Variants in MICU3 observed in about 807,000 individuals in gnomAD.
MICU3 encodes the protein calcium uptake protein 3, mitochondrial.
In MICU3, 62 loss-of-function variants were observed where a neutral mutation model predicts 66.5. The ratio of observed to expected loss-of-function variants is 0.93; its 90% CI spans 0.76 to 1.15. The LOEUF is 1.15. Among genes scored for constraint, MICU3 ranks in the 50% most tolerant of loss-of-function variants. The pLI, the probability that MICU3 is intolerant of heterozygous loss-of-function variation, is 0.00. For synonymous variants in MICU3, 308 were observed against 240.7 expected (o/e 1.28, Z -2.59); for missense variants, 779 against 664.4 (o/e 1.17, Z -1.90).
At chr8:17,057,570 A>T (rs1817143615) in intron 1 of MICU3, among the ~76,000 whole-genome samples, 2 of 152,214 alleles carry the variant, frequency 1.3e-5, no homozygotes, top group Admixed American at 1.3e-4. Context: ...AATATAAGTT[A>T]TAATCTGTAG....
In MICU3 at chr8:17,121,354, AAT is replaced by A. The variant is rs1803184155; in HGVS notation, c.*1070_*1071del. ...TAAATATAATTTATTATTTCAAAAG[AAT>A]ATGTCTTAAAAGGGAAAATAAAAAC... On this transcript the variant is annotated 3_prime_UTR_variant, in exon 15 of 15. Coordinates refer to ENST00000318063, the MANE Select transcript of MICU3 (RefSeq NM_181723.3). 1 of 151,856 alleles carries A rather than the reference AAT, an allele frequency of 6.6e-6. No individual in the cohort carries two copies. Among genetic ancestry groups the A allele is most frequent in the Non-Finnish European group, 1.5e-5 (1 of 67,782 alleles). 9.4% of individuals were successfully genotyped at this position (151,856 alleles called of 1,614,324 possible). A position where few individuals can be genotyped will look rare whatever the true frequency, so the allele number is the denominator to read the frequency against.
intron 11 of MICU3, 73 bp from the exon 12 acceptor site, chr8:17,114,020 C>G (rs998027168): frequency 2.5e-5 from 23 of 911,884 alleles, no homozygotes; most frequent in Non-Finnish European, 3.7e-5. Flanking sequence ...CTGTTTTTTT[C>G]TCTTATGTGT....
intron 1 of MICU3, among the ~76,000 whole-genome samples, chr8:17,060,592 A>G (rs1291086948): frequency 1.3e-5 from 2 of 152,158 alleles, no homozygotes; most frequent in Admixed American, 6.5e-5. Context: ...GATTACGGGC[A>G]TGAGCCACTA....
At chr8:17,117,897 C>T (rs1563402560) in intron 13 of MICU3, among the ~76,000 whole-genome samples, 1 of 152,184 alleles carries the variant, frequency 6.6e-6, no homozygotes, top group Non-Finnish European at 1.5e-5. Context: ...GCATGAGCCA[C>T]CGTACCCGGC....
At chr8:17,036,391 G>A (rs1812995347) in intron 1 of MICU3, among the ~76,000 whole-genome samples, 1 of 151,690 alleles carries the variant, frequency 6.6e-6, no homozygotes, top group African/African-American at 2.4e-5. Context: ...GTGTGGAAGG[G>A]GACCCGAGCG....
chr8:17,058,532 GT>G (rs528266685), intron 1 of MICU3, among the ~76,000 whole-genome samples: 12 of 149,368 alleles, frequency 8.0e-5, no homozygotes, highest in South Asian at 2.1e-4. Context: ...TATTATTGAT[GT>G]TTTTTTTTTC....
intron 11 of MICU3, among the ~76,000 whole-genome samples, chr8:17,112,564 T>C (rs1802302536): frequency 6.6e-6 from 1 of 152,246 alleles, no homozygotes; most frequent in African/African-American, 2.4e-5. Flanking sequence ...AAGTGTTTAA[T>C]CTACACAAAA....
intron 3 of MICU3, among the ~76,000 whole-genome samples, chr8:17,074,080 A>G (rs1420216691): frequency 4.8e-5 from 7 of 146,342 alleles, no homozygotes; most frequent in Admixed American, 4.1e-4. Flanking sequence ...TTTTATTTTT[A>G]GTAGAGAGGG....
intron 1 of MICU3, among the ~76,000 whole-genome samples, chr8:17,049,822 A>G (rs1815756740): frequency 6.6e-6 from 1 of 152,174 alleles, no homozygotes; most frequent in Non-Finnish European, 1.5e-5. Flanking sequence ...CTTGCCTTTT[A>G]AAAAATAATA....
chr8:17,066,540 TAG>T (rs1336369026), intron 2 of MICU3, among the ~76,000 whole-genome samples: 9 of 111,096 alleles, frequency 8.1e-5, no homozygotes, highest in South Asian at 2.8e-4. Flanking sequence ...TATATATATA[TAG>T]ATTTTTTTTT....
chr8:17,063,725 A>G (rs1379439705), intron 1 of MICU3, among the ~76,000 whole-genome samples: 2 of 152,164 alleles, frequency 1.3e-5, no homozygotes, highest in Non-Finnish European at 2.9e-5. Flanking sequence ...ATAAGAGTAC[A>G]TAGTAGGCAT....
intron 1 of MICU3, among the ~76,000 whole-genome samples, chr8:17,059,932 A>G (rs1817557602): frequency 6.6e-6 from 1 of 152,212 alleles, no homozygotes; most frequent in Non-Finnish European, 1.5e-5. Context: ...GTCATCTCAA[A>G]CAAAATACTA....
the MICU3 span, among the ~76,000 whole-genome samples, chr8:17,135,722 T>C: frequency 6.6e-6 from 1 of 152,132 alleles, no homozygotes. Context: ...ATCTCTGTAA[T>C]TGTTCAAATT....
At chr8:17,076,722 C>T (rs563155838) in intron 3 of MICU3, among the ~76,000 whole-genome samples, 1 of 152,178 alleles carries the variant, frequency 6.6e-6, no homozygotes, top group South Asian at 2.1e-4. Flanking sequence ...GCCTTCCAAA[C>T]TTCAATGTGT....
downstream of MICU3, among the ~76,000 whole-genome samples, chr8:17,125,009 C>T (rs1165408041): frequency 6.6e-6 from 1 of 152,086 alleles, no homozygotes; most frequent in Non-Finnish European, 1.5e-5. Context: ...AACCTAAAAA[C>T]TCATGGCATT....
intron 11 of MICU3, among the ~76,000 whole-genome samples, chr8:17,111,161 A>C (rs577678418): frequency 6.6e-6 from 1 of 152,154 alleles, no homozygotes; most frequent in East Asian, 1.9e-4. Flanking sequence ...TGATTTTTCA[A>C]GTCCTTTGCC....
chr8:17,103,305 G>A (rs544243471), intron 9 of MICU3, among the ~76,000 whole-genome samples: 2 of 152,032 alleles, frequency 1.3e-5, no homozygotes, highest in East Asian at 3.9e-4. Flanking sequence ...GTATATGGGT[G>A]AATGAGACTT....
At chr8:17,060,826 A>G (rs1397487304) in intron 1 of MICU3, among the ~76,000 whole-genome samples, 2 of 148,454 alleles carry the variant, frequency 1.3e-5, no homozygotes, top group African/African-American at 2.5e-5. Flanking sequence ...TGCCTGGGGC[A>G]CAAACCCTTT....
Position 17,027,443 on chromosome 8 carries a change from A to C in MICU3, c.164A>C (p.Glu55Ala). 7.7e-7 allele frequency: 1 copy of C among 1,305,920 alleles called. No homozygotes were observed. The highest frequency in any genetic ancestry group is 9.7e-7 in the Non-Finnish European group (1 of 1,032,012). 80.9% of individuals were successfully genotyped at this position (1,305,920 alleles called of 1,614,324 possible). A position where few individuals can be genotyped will look rare whatever the true frequency, so the allele number is the denominator to read the frequency against. The change falls in exon 1 of 15, where the codon GAG becomes GCG. Residue 55 changes from glutamate (E) to alanine (A), a missense_variant. Physicochemically the swap from Glu to Ala is moderately radical, Grantham distance 107 (BLOSUM62 -1). Transcript: ENST00000318063. ...GAGGATGAGGAGAGGGCTGTGGCGG[A>C]GGCGGCATGGAGGCGGCGGCGGCGC... Reference protein sequence around the residue: ...SREDEERAVAEAAWRRRRRWG... With the variant: ...SREDEERAVAAAAWRRRRRWG...
Sources: allele counts gnomAD v4.1 joint callset (sites outside exome capture counted in the v4.1 genomes callset), GRCh38; gene constraint gnomAD v4.1.1; transcripts MANE v1.5; gene names NCBI Gene and HGNC (gene_info 2026-07-23, HGNC 2026-07-21).